The following NCOR2 variants were observed in gnomAD, a reference collection of about 807,000 sequenced individuals.
NCOR2 encodes the protein CTG repeat protein 26.
In NCOR2, 81 loss-of-function variants were observed where a neutral mutation model predicts 262.9. The observed-to-expected ratio is 0.31, with a 90% CI of 0.26 to 0.37. NCOR2 has a LOEUF of 0.37. Among genes scored for constraint, NCOR2 ranks in the 10% least tolerant of loss-of-function variants. The pLI is 1.00. For missense variants in NCOR2, 3,385 were observed against 3,621.4 expected, an observed-to-expected ratio of 0.93 and a Z score of 1.68; for synonymous variants, 1,659 against 1,559.3, an observed-to-expected ratio of 1.06 and a Z score of -1.51.
rs12315944 is a variant in NCOR2, at chr12:124,342,936, C to A, written c.4936+69G>T. On this transcript the variant is annotated intron_variant, in intron 33 of 46. Coordinates refer to ENST00000405201, the Ensembl canonical transcript of NCOR2. ...AGTTGATGCCTAAGGAGTCCCTGAG[C>A]GAACACTGATGAGGTCCGTGGCCCT... The A allele has an allele frequency of 1.4e-3, 2,217 of 1,540,226 alleles. 32 individuals carry two copies. In the African/African-American group the frequency reaches 0.026, roughly 18 times the overall value.
intron 45 of NCOR2, 23 bp from the exon 48 acceptor site, chr12:124,326,393 G>A (rs772556881): frequency 1.4e-6 from 2 of 1,478,356 alleles, no homozygotes; most frequent in Admixed American, 2.3e-5. Flanking sequence ...AAGATGGGAA[G>A]GGGCTGCGTT....
chr12:124,534,405 A>G (rs837465), intron 1 of NCOR2, among the ~76,000 whole-genome samples: 93,347 of 151,474 alleles, frequency 0.62, 30,539 homozygotes, highest in East Asian at 0.88. Flanking sequence ...GTAGTGAGCC[A>G]AGATCACACC....
chr12:124,434,238 G>A (rs899802606), intron 8 of NCOR2, among the ~76,000 whole-genome samples: 1 of 152,060 alleles, frequency 6.6e-6, no homozygotes, highest in South Asian at 2.1e-4. Context: ...ACTCCCCAGT[G>A]GGGGTGAGGC....
At chr12:124,545,425 G>A (rs1013087661) in intron 1 of NCOR2, among the ~76,000 whole-genome samples, 5 of 152,308 alleles carry the variant, frequency 3.3e-5, no homozygotes, top group South Asian at 4.1e-4. Flanking sequence ...GGAGGGGTCC[G>A]AGGCACAGGT....
At chr12:124,435,789 T>G (rs935465446) in intron 8 of NCOR2, among the ~76,000 whole-genome samples, 21 of 152,152 alleles carry the variant, frequency 1.4e-4, no homozygotes, top group Admixed American at 6.5e-5. Context: ...GAACTGCCCC[T>G]TGGGGGTTCA....
Position 124,454,031 on chromosome 12 carries a change from C to G in NCOR2, c.762+3075G>C, listed in dbSNP as rs879901919. Among the ~76,000 whole-genome samples the G allele has an allele frequency of 6.6e-6, 1 of 152,228 alleles. No homozygotes were observed. Among genetic ancestry groups the G allele is most frequent in the Non-Finnish European group, 1.5e-5 (1 of 68,034 alleles). ...CACCTCAGGCCGTCCCTGGCCCGGGCTTCTGGCACCCAGTTGGTAGACAGG... is the reference window on the plus strand; with the variant it reads ...CACCTCAGGCCGTCCCTGGCCCGGGGTTCTGGCACCCAGTTGGTAGACAGG... On this transcript the variant is annotated intron_variant, in intron 6 of 46. Coordinates refer to ENST00000405201, the Ensembl canonical transcript of NCOR2. The surrounding 1 kb of genome is among the most constrained non-coding windows in gnomAD (Gnocchi z 5.6).
intron 16 of NCOR2, among the ~76,000 whole-genome samples, 158 bp downstream of exon 18, chr12:124,397,961 G>A (rs1054033021): frequency 3.9e-5 from 6 of 152,366 alleles, no homozygotes; most frequent in East Asian, 3.9e-4. Context: ...AGGCTCCAGG[G>A]TGACAAACCT....
chr12:124,402,368 C>G (rs1231166354), intron 14 of NCOR2, 36 bp downstream of exon 16: 2 of 1,610,258 alleles, frequency 1.2e-6, no homozygotes, highest in South Asian at 2.2e-5. Flanking sequence ...GTTGGGTCAG[C>G]GGCCGGGCCC....
intron 5 of NCOR2, among the ~76,000 whole-genome samples, chr12:124,458,818 G>A (rs965670660): frequency 6.6e-6 from 1 of 152,102 alleles, no homozygotes; most frequent in Non-Finnish European, 1.5e-5. Context: ...GTGGATGGGG[G>A]CAGACATCAC....
chr12:124,493,078 C>T (rs764740697), intron 1 of NCOR2, among the ~76,000 whole-genome samples: 4 of 152,238 alleles, frequency 2.6e-5, no homozygotes, highest in Admixed American at 6.5e-5. Context: ...GGGCGGTGAG[C>T]GCTTGGCCCT....
rs1185699897 is a variant in NCOR2 at position 124,430,824 on chromosome 12, T to C, written c.883-37A>G. The stretch of plus-strand genomic sequence containing the variant: ...CAGGGGGCACTGCGGAAGATGCTCC[T>C]GCACCTGGCACCCGCCGCCTCCCCC... On this transcript the variant is annotated intron_variant, in intron 8 of 46. Coordinates refer to ENST00000405201, the Ensembl canonical transcript of NCOR2. 2.6e-6 allele frequency: 4 copies of C among 1,564,162 alleles called. No homozygotes were observed. In the East Asian group the frequency reaches 9.1e-5, roughly 35 times the overall value.
At chr12:124,516,905 C>T (rs113323236) in intron 1 of NCOR2, among the ~76,000 whole-genome samples, 6 of 152,112 alleles carry the variant, frequency 3.9e-5, no homozygotes, top group African/African-American at 1.4e-4. Flanking sequence ...CATTCACTCC[C>T]TTAAGCCATA....
intron 22 of NCOR2, among the ~76,000 whole-genome samples, chr12:124,360,185 C>G (rs1163267242): frequency 1.3e-5 from 2 of 152,236 alleles, no homozygotes; most frequent in Non-Finnish European, 2.9e-5. Flanking sequence ...ATACACAGCT[C>G]CTTCCCGGGC....
chr12:124,501,045 AGCGCGCGCGCAC>A (rs1189310038), intron 1 of NCOR2, among the ~76,000 whole-genome samples: 1 of 136,996 alleles, frequency 7.3e-6, no homozygotes, highest in Non-Finnish European at 1.6e-5. Flanking sequence ...CCACGGCACG[AGCGCGCGCGCAC>A]GCGCGCACAC....
exon 32 of NCOR2, chr12:124,344,887 G>T: frequency 6.3e-7 from 1 of 1,582,548 alleles, no homozygotes; most frequent in East Asian, 2.3e-5. Flanking sequence ...GCCGATGAGG[G>T]AGCGTACGTC....
chr12:124,334,923 C>G (rs1270407970), intron 40 of NCOR2: 2 of 695,198 alleles, frequency 2.9e-6, no homozygotes, highest in African/African-American at 1.8e-5. Flanking sequence ...GCATCACAGG[C>G]TCCTCCCATG....
upstream of NCOR2, among the ~76,000 whole-genome samples, chr12:124,496,389 C>T (rs1048093629): frequency 1.3e-5 from 2 of 152,046 alleles, no homozygotes; most frequent in African/African-American, 4.8e-5. This position sits in a 1 kb window ranked among gnomAD's most constrained non-coding sequence, Gnocchi z 4.4. Context: ...CTGCCTCATG[C>T]AAAGCCCTCT....
intron 16 of NCOR2, among the ~76,000 whole-genome samples, chr12:124,393,230 C>T (rs980706123): frequency 2.0e-5 from 3 of 152,214 alleles, no homozygotes; most frequent in African/African-American, 7.2e-5. Flanking sequence ...TGCTCCTGCC[C>T]TGCCCCTCCT....
intron 16 of NCOR2, among the ~76,000 whole-genome samples, chr12:124,390,478 A>AC (rs34149760): frequency 0.07 from 8,532 of 121,050 alleles, 455 homozygotes; most frequent in African/African-American, 0.17. Context: ...CTCCAAAGTG[A>AC]CCCCCCCCCG....
Sources: gnomAD v4.1 joint callset for allele counts (sites outside exome capture counted in the v4.1 genomes callset) on GRCh38, gnomAD v4.1.1 for gene constraint, Gnocchi (gnomAD v3.1) non-coding constraint, MANE v1.5 for transcripts, NCBI Gene and HGNC (gene_info 2026-07-23, HGNC 2026-07-21) for gene names.